BNIP3: variants seen among roughly 807,000 people sequenced by gnomAD.
BNIP3 encodes the protein BCL2/adenovirus E1B 19 kDa protein-interacting protein 3.
BNIP3 carries 16 observed loss-of-function variants against 23.9 expected under a neutral mutation model. The ratio of observed to expected loss-of-function variants is 0.67; its 90% CI spans 0.45 to 1.01. The LOEUF (loss-of-function observed/expected upper bound fraction) is 1.01. Among genes scored for constraint, BNIP3 ranks in the 50% least tolerant of loss-of-function variants. The probability of loss-of-function intolerance (pLI) is 0.00; values close to 1 mark genes in which losing one functional copy is unlikely to be tolerated. For missense variants in BNIP3, 198 were observed against 248.7 expected (o/e 0.80, Z 1.37); for synonymous variants, 81 against 89.3 (o/e 0.91, Z 0.53).
Position 131,970,927 on chromosome 10 carries a change from A to T in BNIP3, c.326T>A (p.Ile109Asn). Residue 109 changes from isoleucine (I) to asparagine (N), a missense_variant, in exon 4 of 6, where the codon ATC (isoleucine) becomes AAC (asparagine). Physicochemically the swap from Ile to Asn is moderately radical, Grantham distance 149. Transcript: ENST00000368636. The surrounding 1 kb of genome is among the most constrained non-coding windows in gnomAD (Gnocchi z 4.1). ...DIERRKEVES[I>N]LKKNSDWIWD... ...TATCCAATCTGAGTTTTTCTTCAAG[A>T]TGCTTTCAACTTCTTTCCTTCTTTC... The T allele has an allele frequency of 2.5e-6, 4 of 1,614,234 alleles. No homozygotes were observed. The highest frequency in any genetic ancestry group is 3.4e-6 in the Non-Finnish European group (4 of 1,180,048).
At chr10:131,980,940 T>C (rs2037114308) in intron 1 of BNIP3, 1 of 152,192 alleles carries the variant, frequency 6.6e-6, no homozygotes, top group Non-Finnish European at 1.5e-5. Context: ...AAGGCTCGTC[T>C]GGACTCTGAC....
chr10:131,975,389 G>A (rs1433691703), intron 1 of BNIP3, among the ~76,000 whole-genome samples: 1 of 152,222 alleles, frequency 6.6e-6, no homozygotes, highest in Non-Finnish European at 1.5e-5. Context: ...TGCAGTGGGA[G>A]GAAAGTGCAG....
Position 131,970,893 on chromosome 10 carries a change from C to A in BNIP3, c.360G>T (p.Trp120Cys). Residue 120 changes from tryptophan (W) to cysteine (C), a missense_variant, in exon 4 of 6, where the codon TGG (tryptophan) becomes TGT (cysteine). Transcript: ENST00000368636. This position sits in a 1 kb window ranked among gnomAD's most constrained non-coding sequence, Gnocchi z 4.1. ...LKKNSDWIWD[W>C]SSRPENIPPK... ...GGGGAATATTTTCCGGCCGACTTGA[C>A]CAATCCCATATCCAATCTGAGTTTT... is the stretch of plus-strand genomic sequence containing the variant. 6.2e-7 allele frequency: 1 copy of A among 1,614,272 alleles called. No individual in the cohort carries two copies. Among genetic ancestry groups the A allele is most frequent in the Non-Finnish European group, 8.5e-7 (1 of 1,180,054 alleles).
rs1335452410 is a variant in BNIP3 at position 131,976,237 on chromosome 10, C to T, written c.47-2294G>A. Among the ~76,000 whole-genome samples the T allele has an allele frequency of 2.0e-5, 3 of 152,210 alleles. No homozygotes were observed. The highest frequency in any genetic ancestry group is 7.2e-5 in the African/African-American group (3 of 41,458). On this transcript the variant is annotated intron_variant, in intron 1 of 5. Transcript: ENST00000368636. The surrounding 1 kb of genome is among the most constrained non-coding windows in gnomAD (Gnocchi z 4.3). ...TGTTCAGCTATCTGACGATATGGAACACAAATGCAACTTGAAGGTGTGGTG... is the reference window on the plus strand; with the variant it reads ...TGTTCAGCTATCTGACGATATGGAATACAAATGCAACTTGAAGGTGTGGTG...
intron 5 of BNIP3, 178 bp from the exon 6 acceptor site, chr10:131,968,747 A>C: frequency 1.9e-6 from 1 of 537,098 alleles, no homozygotes; most frequent in South Asian, 2.4e-5. Flanking sequence ...TGTTTTATCA[A>C]TATGTATTTT....
At chr10:131,973,993 G>C (rs757859779) in intron 1 of BNIP3, 50 bp from the exon 2 acceptor site, 2 of 1,607,636 alleles carry the variant, frequency 1.2e-6, no homozygotes, top group Non-Finnish European at 1.7e-6. Flanking sequence ...ACCCACTCTG[G>C]AATCTGCTCT....
chr10:131,973,838 T>C lies in BNIP3; in HGVS notation c.152A>G (p.Gln51Arg). 6.2e-7 allele frequency: 1 copy of C among 1,612,652 alleles called. No individual in the cohort carries two copies. ...GGAGCTACTCCGTCCAGACTCATGC[T>C]GTGCGTCCAGCAGTATTTTTTCCAT... ...GDMEKILLDAQHESGRSSSKS... is the reference protein window; with the variant it reads ...GDMEKILLDARHESGRSSSKS... The change falls in exon 2 of 6, where the codon CAG becomes CGG. Residue 51 changes from glutamine (Q) to arginine (R), a missense_variant. Gln to Arg is a conservative substitution (Grantham distance 43). Transcript: ENST00000368636.
chr10:131,981,751 T>C lies in BNIP3; in HGVS notation c.46+10A>G. On this transcript the variant is annotated intron_variant, in intron 1 of 5. Transcript: ENST00000368636. ...CCCCCTCGGCTCCCGCGCCGCCTCC[T>C]CCGCCTCACCCTGCAGGCTCTCCTC... is the stretch of plus-strand genomic sequence containing the variant. 1 of 1,467,696 alleles carries C rather than the reference T, an allele frequency of 6.8e-7. No homozygotes were observed. The highest frequency in any genetic ancestry group is 9.0e-7 in the Non-Finnish European group (1 of 1,114,164). The allele number at this position is 1,467,696 out of a possible 1,614,324, so 90.9% of individuals were successfully genotyped here.
rs764589750 is a variant in BNIP3, at chr10:131,970,757, C to T, written c.420G>A (p.Thr140=). 12 of 1,614,040 alleles carry T rather than the reference C, an allele frequency of 7.4e-6. No individual in the cohort carries two copies. The highest frequency in any genetic ancestry group is 2.2e-5 in the South Asian group (2 of 91,084). Residue 140 remains threonine, a synonymous_variant, in exon 5 of 6, where the codon ACG becomes ACA. Transcript: ENST00000368636. The surrounding 1 kb of genome is among the most constrained non-coding windows in gnomAD (Gnocchi z 4.1). ...TCGTGTTCCTCATGCTGAGGGTGGC[C>T]GTGCGCTTCGGGTGTTTAAAGAGGA... ...KEFLFKHPKR[T]ATLSMRNTSV...
At chr10:131,978,492 G>T (rs1316606475) in intron 1 of BNIP3, among the ~76,000 whole-genome samples, 2 of 151,434 alleles carry the variant, frequency 1.3e-5, no homozygotes, top group East Asian at 3.9e-4. Context: ...CCCTCTGTAT[G>T]TCCCAGGGCA....
intron 3 of BNIP3, chr10:131,971,571 A>G (rs2037034114): frequency 6.5e-6 from 1 of 152,722 alleles, no homozygotes; most frequent in East Asian, 1.9e-4. Context: ...TGCATTTTCA[A>G]AATTCTGTAC....
At chr10:131,980,313 A>G (rs539200355) in intron 1 of BNIP3, 2 of 152,220 alleles carry the variant, frequency 1.3e-5, no homozygotes, top group African/African-American at 4.8e-5. Flanking sequence ...ATTTTATGGC[A>G]AAGAGTTTAT....
chr10:131,971,111 A>G, intron 3 of BNIP3, 141 bp from the exon 4 acceptor site: 1 of 767,622 alleles, frequency 1.3e-6, no homozygotes, highest in South Asian at 1.7e-5. Context: ...CCGTGGTCCA[A>G]GGGGAGTCCT....
chr10:131,973,353 G>A, intron 2 of BNIP3: 1 of 521,098 alleles, frequency 1.9e-6, no homozygotes, highest in Non-Finnish European at 3.5e-6. Flanking sequence ...GGGGCAACTG[G>A]CAAGCAGCTG....
chr10:131,972,636 C>T (rs1252668558), intron 3 of BNIP3, among the ~76,000 whole-genome samples: 2 of 152,220 alleles, frequency 1.3e-5, no homozygotes, highest in African/African-American at 4.8e-5. Context: ...TTAAAACCCA[C>T]TCACTGTCCA....
intron 1 of BNIP3, among the ~76,000 whole-genome samples, chr10:131,977,137 T>C (rs1589977467): frequency 1.3e-5 from 2 of 151,898 alleles, no homozygotes; most frequent in East Asian, 3.9e-4. Flanking sequence ...CTGGGCGTGG[T>C]GGGCGCCTGT....
chr10:131,974,761 C>T (rs2037067317), intron 1 of BNIP3, among the ~76,000 whole-genome samples: 1 of 152,296 alleles, frequency 6.6e-6, no homozygotes, highest in African/African-American at 2.4e-5. Flanking sequence ...GTTTGCTAGC[C>T]ATCTGGATAG....
In BNIP3 at chr10:131,968,531, G is replaced by T. The variant is rs547824692; in HGVS notation, c.578C>A (p.Thr193Asn). 1.4e-5 allele frequency: 22 copies of T among 1,598,892 alleles called. No individual in the cohort carries two copies. The highest frequency in any genetic ancestry group is 1.9e-5 in the Non-Finnish European group (22 of 1,166,754). ...TCAGACTCCAGTTCTTCATCAAAAGGTGCTGGTGGAGGTTGTCAGACGCCT... is the reference window on the plus strand; with the variant it reads ...TCAGACTCCAGTTCTTCATCAAAAGTTGCTGGTGGAGGTTGTCAGACGCCT... The part of the protein sequence containing the change: ...IGRRLTTSTS[T>N]F The change falls in exon 6 of 6, where the codon ACC (threonine) becomes AAC (asparagine). Residue 193 changes from threonine (T) to asparagine (N), a missense_variant. Transcript: ENST00000368636.
chr10:131,974,037 G>A, intron 1 of BNIP3, 94 bp from the exon 2 acceptor site: 1 of 1,521,116 alleles, frequency 6.6e-7, no homozygotes, highest in African/African-American at 1.4e-5. Flanking sequence ...CCATTTCCAA[G>A]AGGTAGCAAT....
Sources: gnomAD v4.1 joint callset for allele counts (sites outside exome capture counted in the v4.1 genomes callset) on GRCh38, gnomAD v4.1.1 for gene constraint, Gnocchi (gnomAD v3.1) non-coding constraint, MANE v1.5 for transcripts, NCBI Gene and HGNC (gene_info 2026-07-23, HGNC 2026-07-21) for gene names.